Variants in QRFPR observed in about 807,000 individuals in gnomAD.
QRFPR encodes pyroglutamylated RFamide peptide receptor.
A neutral mutation model predicts 31.3 loss-of-function variants in QRFPR; 37 were observed. That is an observed-to-expected ratio of 1.18 (90% confidence interval 0.91 to 1.56). QRFPR has a LOEUF of 1.56. QRFPR is among the 40% of genes most tolerant of loss of function. QRFPR has a pLI of 0.00. For missense variants in QRFPR, 542 were observed against 532.5 expected (o/e 1.02, Z -0.18); for synonymous variants, 197 against 192.0 (o/e 1.03, Z -0.22).
intron 4 of QRFPR, 107 bp downstream of exon 4, chr4:121,332,714 G>C: frequency 1.3e-6 from 1 of 787,410 alleles, no homozygotes; most frequent in Non-Finnish European, 2.0e-6. Context: ...AATTGCAAAG[G>C]ATGCTTAGAC....
rs1387171909 is a variant in QRFPR at position 121,365,544 on chromosome 4, A to T, written c.340+14764T>A. On this transcript the variant is annotated intron_variant, in intron 1 of 5. Coordinates refer to ENST00000394427, the MANE Select transcript of QRFPR (RefSeq NM_198179.3). ...ATATATATTATATATAATATATATT[A>T]TATATAATATATAATATATATTATA... 2.9e-4 allele frequency among the ~76,000 whole-genome samples: 2 copies of T among 6,820 alleles called. 1 individual carries two copies. The highest frequency in any genetic ancestry group is 1.8e-3 in the African/African-American group (2 of 1,120). 4.5% of individuals were successfully genotyped at this position (6,820 alleles called of 152,430 possible).
chr4:121,348,826 G>A (rs1009490630), intron 1 of QRFPR, among the ~76,000 whole-genome samples: 28 of 152,084 alleles, frequency 1.8e-4, no homozygotes, highest in Admixed American at 4.6e-4. Flanking sequence ...GGCCGGGTGC[G>A]ATGGCTCATG....
chr4:121,333,795 G>A (rs1014453974), intron 3 of QRFPR, among the ~76,000 whole-genome samples: 1 of 152,118 alleles, frequency 6.6e-6, no homozygotes, highest in Non-Finnish European at 1.5e-5. Context: ...AGCATATTCA[G>A]AAGTCACTTT....
At chr4:121,349,401 T>C (rs912467117) in intron 1 of QRFPR, among the ~76,000 whole-genome samples, 1 of 152,198 alleles carries the variant, frequency 6.6e-6, no homozygotes, top group African/African-American at 2.4e-5. Context: ...GATATAGATA[T>C]AGATACAGAT....
chr4:121,336,979 AG>A, intron 2 of QRFPR, 111 bp from the exon 3 acceptor site: 1 of 956,052 alleles, frequency 1.0e-6, no homozygotes, highest in South Asian at 1.3e-5. Flanking sequence ...TCTCTGCCCT[AG>A]GGCAGTGCCA....
chr4:121,379,262 A>T (rs1726421168), intron 1 of QRFPR, among the ~76,000 whole-genome samples: 1 of 152,244 alleles, frequency 6.6e-6, no homozygotes, highest in African/African-American at 2.4e-5. Flanking sequence ...CTAATGAGAA[A>T]AAAAGCAATG....
intron 1 of QRFPR, among the ~76,000 whole-genome samples, chr4:121,350,170 T>G (rs1216015857): frequency 6.6e-6 from 1 of 152,220 alleles, no homozygotes; most frequent in African/African-American, 2.4e-5. Flanking sequence ...AAATGATGAA[T>G]GGATCTTCAG....
chr4:121,376,908 C>T (rs1472557230), intron 1 of QRFPR, among the ~76,000 whole-genome samples: 1 of 152,040 alleles, frequency 6.6e-6, no homozygotes, highest in Non-Finnish European at 1.5e-5. Flanking sequence ...GCACGTGAAA[C>T]AATTGAGAAC....
At chr4:121,359,817 G>A (rs528655203) in intron 1 of QRFPR, among the ~76,000 whole-genome samples, 73 of 151,310 alleles carry the variant, frequency 4.8e-4, no homozygotes, top group Admixed American at 1.2e-3. Context: ...GTGTGTGTGT[G>A]TATATATATA....
At chr4:121,364,256 A>G (rs1397934544) in intron 1 of QRFPR, among the ~76,000 whole-genome samples, 1 of 150,234 alleles carries the variant, frequency 6.7e-6, no homozygotes, top group Non-Finnish European at 1.5e-5. Flanking sequence ...AAAGCATGAA[A>G]GAGTTTTGTG....
At position 121,328,775 on chromosome 4, in the gene QRFPR, A is replaced by G. The variant is rs1004431070; in HGVS notation, c.*539T>C. On this transcript the variant is annotated 3_prime_UTR_variant, in exon 6 of 6. Coordinates refer to ENST00000394427, the MANE Select transcript of QRFPR (RefSeq NM_198179.3). The stretch of plus-strand genomic sequence containing the variant: ...ATTTTTCAAAAAAATTTTTTTTGAG[A>G]CGGGGAGTCTCGCTCTTTCGCCCAG... Among the ~76,000 whole-genome samples, 1 of 152,134 alleles carries G rather than the reference A, an allele frequency of 6.6e-6. No individual in the cohort carries two copies. Among genetic ancestry groups the G allele is most frequent in the African/African-American group, 2.4e-5 (1 of 41,420 alleles).
intron 1 of QRFPR, among the ~76,000 whole-genome samples, chr4:121,371,615 G>T (rs1726247966): frequency 6.6e-6 from 1 of 152,200 alleles, no homozygotes; most frequent in Non-Finnish European, 1.5e-5. Context: ...CTCTGGTTCA[G>T]CTTGGTCCTG....
chr4:121,339,736 T>C (rs1045737758), intron 2 of QRFPR, among the ~76,000 whole-genome samples: 1 of 152,086 alleles, frequency 6.6e-6, no homozygotes, highest in Non-Finnish European at 1.5e-5. Context: ...GGGGAATGGC[T>C]TGAGCCCAGG....
At position 121,380,477 on chromosome 4, in the gene QRFPR, G is replaced by A. The variant is rs748774650; in HGVS notation, c.171C>T (p.Ala57=). Residue 57 remains alanine (A), a synonymous_variant, in exon 1 of 6, where the codon GCC becomes GCT. Transcript: ENST00000394427. ...CCAGAGCATTGCCAAAGAGCGCCAG[G>A]GCGAAGATGAGCACGCCGGTGAGCA... is the stretch of plus-strand genomic sequence containing the variant. ...ALVLTGVLIF[A]LALFGNALVF... 1 of 1,614,252 alleles carries A rather than the reference G, an allele frequency of 6.2e-7. No homozygotes were observed. The highest frequency in any genetic ancestry group is 1.1e-5 in the South Asian group (1 of 91,086).
Position 121,332,858 on chromosome 4 carries a change from G to A in QRFPR, c.760C>T (p.Arg254Ter), listed in dbSNP as rs140968526. ...GACATTTCTTTTCCATGAATAGTTC[G>A]AAGCACTGAACCATCCCCAACTCTT... is the stretch of plus-strand genomic sequence containing the variant. The part of the protein sequence containing the change: ...KKRVGDGSVL[R>*]TIHGKEMSKI... Residue 254 changes from arginine to a stop codon, truncating the protein, a stop_gained, in exon 4 of 6, where the codon CGA becomes TGA. Transcript: ENST00000394427. LOFTEE classifies it high-confidence loss of function. 53 of 1,613,794 alleles carry A rather than the reference G, an allele frequency of 3.3e-5. No homozygotes were observed. The highest frequency in any genetic ancestry group is 3.0e-4 in the South Asian group (27 of 91,082).
In QRFPR at chr4:121,328,956, G is replaced by A. The variant is rs141452691; in HGVS notation, c.*358C>T. ...TTTTTAGCAGAGATGGGGTTTCACC[G>A]TGTTAGCCAGGATGGTTTTGATCTC... On this transcript the variant is annotated 3_prime_UTR_variant, in exon 6 of 6. Coordinates refer to ENST00000394427, the MANE Select transcript of QRFPR (RefSeq NM_198179.3). The A allele has an allele frequency of 0.026, 4,063 of 158,302 alleles. 114 individuals are homozygous for A. The highest frequency in any genetic ancestry group is 0.16 in the East Asian group (851 of 5,362). 9.8% of individuals were successfully genotyped at this position (158,302 alleles called of 1,614,324 possible). A position where few individuals can be genotyped will look rare whatever the true frequency, so the allele number is the denominator to read the frequency against.
chr4:121,361,650 A>G (rs998524931), intron 1 of QRFPR, among the ~76,000 whole-genome samples: 1 of 150,316 alleles, frequency 6.7e-6, no homozygotes, highest in African/African-American at 2.5e-5. Context: ...ATTCTGAAAA[A>G]GTTCCAGGTG....
At position 121,336,790 on chromosome 4, in the gene QRFPR, T is replaced by C. The variant is rs143184159; in HGVS notation, c.561+17A>G. ...AATAGTTCAACAATATGATTATACA[T>C]CTCAACTGGAGTCTACCTCAAGTTG... On this transcript the variant is annotated intron_variant, in intron 3 of 5. Coordinates refer to ENST00000394427, the MANE Select transcript of QRFPR (RefSeq NM_198179.3). 0.033 allele frequency: 51,632 copies of C among 1,585,926 alleles called. 1,074 individuals are homozygous for C. Among genetic ancestry groups the C allele is most frequent in the Middle Eastern group, 0.083 (497 of 6,004 alleles).
At position 121,380,962 on chromosome 4, in the gene QRFPR, G is replaced by A; in HGVS notation, c.-315C>T. The A allele has an allele frequency of 3.4e-6, 1 of 292,950 alleles. No homozygotes were observed. Among genetic ancestry groups the A allele is most frequent in the Non-Finnish European group, 6.3e-6 (1 of 158,792 alleles). The allele number at this position is 292,950 out of a possible 1,614,324, so 18.1% of individuals were successfully genotyped here. A position where few individuals can be genotyped will look rare whatever the true frequency, so the allele number is the denominator to read the frequency against. On this transcript the variant is annotated 5_prime_UTR_variant, in exon 1 of 6. Transcript: ENST00000394427. ...AAGGCGAGGCGCCGCCACGGTCTGG[G>A]GTGCTGGAGCGCCACGCGAGGGTCC...
Sources: gnomAD v4.1 joint callset for allele counts (sites outside exome capture counted in the v4.1 genomes callset) on GRCh38, gnomAD v4.1.1 for gene constraint, MANE v1.5 for transcripts, NCBI Gene and HGNC (gene_info 2026-07-23, HGNC 2026-07-21) for gene names.